MEF2C: variants seen among roughly 807,000 people sequenced by gnomAD.
MEF2C encodes the protein myocyte enhancer factor 2C, also known as myocyte-specific enhancer factor 2C.
A neutral mutation model predicts 50.5 loss-of-function variants in MEF2C; 6 were observed. The ratio of observed to expected loss-of-function variants is 0.12; its 90% CI spans 0.07 to 0.23. MEF2C has a LOEUF of 0.23. Among genes scored for constraint, MEF2C ranks in the 10% least tolerant of loss-of-function variants. The pLI, the probability that MEF2C is intolerant of heterozygous loss-of-function variation, is 1.00. For synonymous variants in MEF2C, 183 were observed against 228.0 expected, an observed-to-expected ratio of 0.80 and a Z score of 1.78; for missense variants, 276 against 605.0, an observed-to-expected ratio of 0.46 and a Z score of 5.70.
chr5:88,785,884 T>C (rs1416149796), intron 3 of MEF2C, among the ~76,000 whole-genome samples: 2 of 152,120 alleles, frequency 1.3e-5, no homozygotes, highest in East Asian at 1.9e-4. Context: ...TATTGGCACC[T>C]AGAAGTCTGA....
intron 3 of MEF2C, among the ~76,000 whole-genome samples, chr5:88,778,187 C>T (rs551146686): frequency 1.3e-5 from 2 of 151,718 alleles, no homozygotes; most frequent in African/African-American, 4.8e-5. Context: ...GGATTACAAG[C>T]GTGAGCCACC....
chr5:88,846,384 G>A (rs537206317), intron 1 of MEF2C, among the ~76,000 whole-genome samples: 3 of 152,226 alleles, frequency 2.0e-5, no homozygotes, highest in South Asian at 2.1e-4. Flanking sequence ...AACACTTTAC[G>A]AAAGTGCTAC....
In MEF2C at chr5:88,903,478, T is replaced by C. The variant is rs188216388; in HGVS notation, c.-240+438A>G. Among the ~76,000 whole-genome samples the C allele has an allele frequency of 2.5e-3, 382 of 152,102 alleles. 1 individual carries two copies. The highest frequency in any genetic ancestry group is 0.01 in the Middle Eastern group (3 of 292). On this transcript the variant is annotated intron_variant, in intron 1 of 11. Coordinates refer to the MEF2C transcript ENST00000340208. ...ATGTTCTTGTAGCATGCACACATTTTAAAAAACCCAGTACATGTAATTTTT... is the reference window on the plus strand; with the variant it reads ...ATGTTCTTGTAGCATGCACACATTTCAAAAAACCCAGTACATGTAATTTTT...
chr5:88,744,836 T>C (rs537344591), intron 6 of MEF2C, among the ~76,000 whole-genome samples: 1 of 152,350 alleles, frequency 6.6e-6, no homozygotes, highest in Non-Finnish European at 1.5e-5. Flanking sequence ...AGGTGATTTG[T>C]GATGGTCTGA....
intron 2 of MEF2C, among the ~76,000 whole-genome samples, chr5:88,818,597 A>G (rs1050906337): frequency 2.9e-4 from 44 of 152,112 alleles, no homozygotes; most frequent in African/African-American, 1.0e-3. Flanking sequence ...AACATTTAGG[A>G]AACGACTTCT....
intron 3 of MEF2C, among the ~76,000 whole-genome samples, chr5:88,763,739 C>T (rs1000372538): frequency 1.3e-5 from 2 of 151,532 alleles, no homozygotes; most frequent in African/African-American, 4.9e-5. Context: ...ACTGCAGCCT[C>T]CACATTGTAG....
chr5:88,727,962 T>A (rs974048522), intron 10 of MEF2C, among the ~76,000 whole-genome samples: 1 of 151,932 alleles, frequency 6.6e-6, no homozygotes, highest in Non-Finnish European at 1.5e-5. Flanking sequence ...ATATCCAAAT[T>A]TAGGTAATTA....
At chr5:88,848,899 TC>T (rs2153373020) in intron 1 of MEF2C, among the ~76,000 whole-genome samples, 1 of 152,246 alleles carries the variant, frequency 6.6e-6, no homozygotes, top group South Asian at 2.1e-4. Context: ...ACGCATGTAA[TC>T]CCAGCACTTT....
chr5:88,840,536 T>A (rs1287935939), intron 1 of MEF2C, among the ~76,000 whole-genome samples: 1 of 152,188 alleles, frequency 6.6e-6, no homozygotes, highest in Non-Finnish European at 1.5e-5. Context: ...AATTTTAAAG[T>A]AAATGTTTAC....
chr5:88,902,648 A>G (rs1326934533), intron 1 of MEF2C, among the ~76,000 whole-genome samples: 1 of 151,350 alleles, frequency 6.6e-6, no homozygotes, highest in Non-Finnish European at 1.5e-5. Flanking sequence ...GTCAGACCTT[A>G]TTTTTTTTCC....
intron 1 of MEF2C, among the ~76,000 whole-genome samples, chr5:88,878,760 A>G (rs991051688): frequency 5.3e-5 from 8 of 151,972 alleles, no homozygotes; most frequent in Non-Finnish European, 1.0e-4. Context: ...AAAAAATTAT[A>G]TCTCTTTTAA....
intron 6 of MEF2C, chr5:88,740,416 GT>G (rs1159308141): frequency 3.1e-5 from 31 of 985,180 alleles, no homozygotes; most frequent in Non-Finnish European, 3.5e-5. Context: ...GTAGGTTTGT[GT>G]TGGCGAACAT....
In MEF2C at chr5:88,869,262, TA is replaced by T. The variant is rs1828463774; in HGVS notation, c.-143+13692del. Among the ~76,000 whole-genome samples, 3 of 72,980 alleles carry T rather than the reference TA, an allele frequency of 4.1e-5. No homozygotes were observed. The South Asian group carries it at 1.2e-3, about 30-fold the overall frequency. 47.9% of individuals were successfully genotyped at this position (72,980 alleles called of 152,430 possible). A position where few individuals can be genotyped will look rare whatever the true frequency, so the allele number is the denominator to read the frequency against. ...TCTAAAACTAGTTTTCATATATATA[TA>T]TATATATATATATACATATATATAT... On this transcript the variant is annotated intron_variant, in intron 1 of 10. Transcript: ENST00000504921.
chr5:88,843,805 C>CTT lies in MEF2C; in HGVS notation c.-142-19877_-142-19876dup, dbSNP rs35382083. 1.7e-3 allele frequency among the ~76,000 whole-genome samples: 223 copies of CTT among 129,850 alleles called. 1 individual carries two copies. Among genetic ancestry groups the CTT allele is most frequent in the African/African-American group, 5.6e-3 (197 of 35,084 alleles). The allele number at this position is 129,850 out of a possible 152,430, so 85.2% of individuals were successfully genotyped here. On this transcript the variant is annotated intron_variant, in intron 1 of 10. Transcript: ENST00000504921. ...TGTTTGATTGTTTGTTCCTGTGAAA[C>CTT]TTTTTTTTTTTTTTTTTTTGAGACG...
intron 3 of MEF2C, among the ~76,000 whole-genome samples, chr5:88,803,824 G>A (rs1316279072): frequency 6.6e-6 from 1 of 151,868 alleles, no homozygotes; most frequent in East Asian, 1.9e-4. Context: ...AAAATAAAAT[G>A]GGAAAAAAAA....
Position 88,782,756 on chromosome 5 carries a change from T to C in MEF2C, c.259-21428A>G, listed in dbSNP as rs137972858. 4.6e-5 allele frequency among the ~76,000 whole-genome samples: 7 copies of C among 152,360 alleles called. No individual in the cohort carries two copies. The East Asian group carries it at 1.4e-3, about 29-fold the overall frequency. ...TTTTGGCACTTCCACTTTTCACAAC[T>C]GTTTCTGTCTTTTCCAGCGGAACCT... On this transcript the variant is annotated intron_variant, in intron 3 of 10. Coordinates refer to ENST00000504921, the MANE Select transcript of MEF2C (RefSeq NM_002397.5).
intron 10 of MEF2C, among the ~76,000 whole-genome samples, chr5:88,723,418 A>C (rs1261681567): frequency 6.6e-6 from 1 of 152,258 alleles, no homozygotes; most frequent in African/African-American, 2.4e-5. Flanking sequence ...AAGCACATAC[A>C]GATGGAATCA....
At chr5:88,817,373 A>C (rs1269796719) in intron 2 of MEF2C, among the ~76,000 whole-genome samples, 1 of 152,020 alleles carries the variant, frequency 6.6e-6, no homozygotes, top group Admixed American at 6.6e-5. Flanking sequence ...GTTTGAAAAC[A>C]CATCAGTATG....
intron 4 of MEF2C, among the ~76,000 whole-genome samples, chr5:88,755,957 C>G (rs1255012883): frequency 6.6e-6 from 1 of 152,182 alleles, no homozygotes; most frequent in Non-Finnish European, 1.5e-5. Context: ...AGAATTAATT[C>G]TTCAGCTTCT....
Sources: allele counts gnomAD v4.1 joint callset (sites outside exome capture counted in the v4.1 genomes callset), GRCh38; gene constraint gnomAD v4.1.1; transcripts MANE v1.5; gene names NCBI Gene and HGNC (gene_info 2026-07-23, HGNC 2026-07-21).